The following MACROD2 variants were observed in gnomAD, a reference collection of about 807,000 sequenced individuals.
The protein encoded by MACROD2 is ADP-ribose glycohydrolase MACROD2.
In MACROD2, 36 loss-of-function variants were observed where a neutral mutation model predicts 70.4. The ratio of observed to expected loss-of-function variants is 0.51; its 90% CI spans 0.39 to 0.68. MACROD2 has a LOEUF of 0.68. Among genes scored for constraint, MACROD2 ranks in the 30% least tolerant of loss-of-function variants. MACROD2 has a pLI of 0.00. For missense variants in MACROD2, 496 were observed against 538.4 expected, an observed-to-expected ratio of 0.92 and a Z score of 0.78; for synonymous variants, 172 against 178.8, an observed-to-expected ratio of 0.96 and a Z score of 0.30.
At chr20:15,842,456 C>T (rs898369073) in intron 8 of MACROD2, among the ~76,000 whole-genome samples, 6 of 128,298 alleles carry the variant, frequency 4.7e-5, no homozygotes, top group South Asian at 2.5e-4. Context: ...GACCTTTCAT[C>T]CTTTTTTTCA....
chr20:14,475,167 A>G (rs1191291685), intron 3 of MACROD2, among the ~76,000 whole-genome samples: 1 of 152,168 alleles, frequency 6.6e-6, no homozygotes, highest in East Asian at 1.9e-4. Context: ...TGCATAAAGC[A>G]TCTTACAGTT....
At chr20:14,280,862 G>T (rs2082301036) in intron 3 of MACROD2, among the ~76,000 whole-genome samples, 1 of 152,088 alleles carries the variant, frequency 6.6e-6, no homozygotes, top group African/African-American at 2.4e-5. Context: ...TTTTATAAAA[G>T]CTAAAAGTTA....
chr20:15,806,286 A>G (rs1462751166), intron 8 of MACROD2, among the ~76,000 whole-genome samples: 1 of 152,178 alleles, frequency 6.6e-6, no homozygotes, highest in Admixed American at 6.5e-5. Flanking sequence ...CCGTCTCTCA[A>G]CATTGCAGCT....
chr20:14,075,554 G>A lies in MACROD2; in HGVS notation c.164-10067G>A, dbSNP rs576829022. 2.0e-5 allele frequency among the ~76,000 whole-genome samples: 3 copies of A among 152,176 alleles called. No individual in the cohort carries two copies. The East Asian group carries it at 5.8e-4, about 29-fold the overall frequency. Reference sequence around the variant, plus strand: ...GGAAACTTAAGATCTTTCCAAAGTGGCTCCTCTAAGACCTCTCCCTTCCCA... The same window carrying A: ...GGAAACTTAAGATCTTTCCAAAGTGACTCCTCTAAGACCTCTCCCTTCCCA... On this transcript the variant is annotated intron_variant, in intron 2 of 17. Transcript: ENST00000684519.
chr20:15,759,794 A>G (rs1482565702), intron 8 of MACROD2, among the ~76,000 whole-genome samples: 1 of 152,188 alleles, frequency 6.6e-6, no homozygotes, highest in Non-Finnish European at 1.5e-5. Context: ...GACAGTTTTT[A>G]AACTAGTCAC....
intron 3 of MACROD2, among the ~76,000 whole-genome samples, chr20:14,449,967 C>G (rs2084226702): frequency 6.6e-6 from 1 of 152,054 alleles, no homozygotes; most frequent in South Asian, 2.1e-4. Context: ...TCCATTGTGA[C>G]TAGGCATGGC....
At chr20:15,786,463 G>A (rs1480777787) in intron 8 of MACROD2, among the ~76,000 whole-genome samples, 1 of 152,150 alleles carries the variant, frequency 6.6e-6, no homozygotes, top group African/African-American at 2.4e-5. Flanking sequence ...AGCAGAAAAA[G>A]TAAATTAAAT....
intron 4 of MACROD2, among the ~76,000 whole-genome samples, chr20:14,644,278 T>C (rs1985253890): frequency 6.6e-6 from 1 of 152,162 alleles, no homozygotes; most frequent in Non-Finnish European, 1.5e-5. Context: ...TTAGTAACAC[T>C]GAAAGGATCT....
At chr20:15,392,598 G>A (rs961429388) in intron 6 of MACROD2, among the ~76,000 whole-genome samples, 9 of 152,042 alleles carry the variant, frequency 5.9e-5, no homozygotes, top group Non-Finnish European at 1.0e-4. Flanking sequence ...AAGATTCAGA[G>A]ATATTAAAGT....
At chr20:15,243,912 C>T (rs944515790) in intron 6 of MACROD2, among the ~76,000 whole-genome samples, 7 of 151,574 alleles carry the variant, frequency 4.6e-5, no homozygotes, top group Admixed American at 1.3e-4. Context: ...GGCGACAGAG[C>T]GAGACTCCAT....
chr20:14,457,576 C>T (rs2084318278), intron 3 of MACROD2, among the ~76,000 whole-genome samples: 1 of 152,086 alleles, frequency 6.6e-6, no homozygotes, highest in African/African-American at 2.4e-5. Flanking sequence ...ACACTCCCCC[C>T]GTACACATAC....
At chr20:14,159,054 T>C (rs1319861700) in intron 3 of MACROD2, among the ~76,000 whole-genome samples, 1 of 152,042 alleles carries the variant, frequency 6.6e-6, no homozygotes, top group Non-Finnish European at 1.5e-5. Context: ...CTGACCAACA[T>C]AGTGAAACTC....
At chr20:14,596,964 G>A (rs1982184149) in intron 4 of MACROD2, among the ~76,000 whole-genome samples, 1 of 152,144 alleles carries the variant, frequency 6.6e-6, no homozygotes, top group Non-Finnish European at 1.5e-5. Context: ...GAAATTTGAT[G>A]TTAAGTATCA....
intron 5 of MACROD2, among the ~76,000 whole-genome samples, chr20:15,044,476 G>A (rs1460369067): frequency 1.3e-5 from 2 of 151,986 alleles, no homozygotes; most frequent in African/African-American, 2.4e-5. Context: ...TCTCCCATTT[G>A]CCCTCCAGAC....
chr20:14,651,123 T>C (rs977983662), intron 4 of MACROD2, among the ~76,000 whole-genome samples: 4 of 152,186 alleles, frequency 2.6e-5, no homozygotes, highest in Admixed American at 2.6e-4. Context: ...TTAAATGTCA[T>C]TAAATAGATT....
At chr20:14,786,489 G>A (rs1175850701) in intron 5 of MACROD2, among the ~76,000 whole-genome samples, 1 of 151,432 alleles carries the variant, frequency 6.6e-6, no homozygotes, top group African/African-American at 2.4e-5. Context: ...TTGTCTCTTT[G>A]TGCATTCTCA....
Position 14,802,733 on chromosome 20 carries a change from C to T in MACROD2, c.418+117774C>T, listed in dbSNP as rs541078110. Among the ~76,000 whole-genome samples the T allele has an allele frequency of 6.0e-5, 9 of 151,236 alleles. No individual in the cohort carries two copies. The South Asian group carries it at 1.9e-3, about 32-fold the overall frequency. ...CTCTCGTGTGTCTCTGTCTTTGGATCTCATTTCTTTGTATTTCTCTTAACA... is the reference window on the plus strand; with the variant it reads ...CTCTCGTGTGTCTCTGTCTTTGGATTTCATTTCTTTGTATTTCTCTTAACA... On this transcript the variant is annotated intron_variant, in intron 5 of 17. Transcript: ENST00000684519.
chr20:14,046,631 C>T (rs541810762), intron 2 of MACROD2, among the ~76,000 whole-genome samples: 3 of 152,246 alleles, frequency 2.0e-5, no homozygotes, highest in South Asian at 4.1e-4. Flanking sequence ...ATTTATCCTT[C>T]CTACAGGCAG....
chr20:14,720,623 G>T (rs1013414016), intron 5 of MACROD2, among the ~76,000 whole-genome samples: 2 of 130,362 alleles, frequency 1.5e-5, no homozygotes, highest in Admixed American at 9.6e-5. Context: ...GCGCCATCTC[G>T]GCTCACTGCA....
Sources: gnomAD v4.1 joint callset for allele counts (sites outside exome capture counted in the v4.1 genomes callset) on GRCh38, gnomAD v4.1.1 for gene constraint, MANE v1.5 for transcripts, NCBI Gene and HGNC (gene_info 2026-07-23, HGNC 2026-07-21) for gene names.